ZNG1A: variants seen among roughly 807,000 people sequenced by gnomAD.
ZNG1A encodes the protein Zn regulated GTPase metalloprotein activator 1A.
At chr9:129,602 T>A in the ZNG1A span, among the ~76,000 whole-genome samples, 1 of 149,512 alleles carries the variant, frequency 6.7e-6, no homozygotes, top group Non-Finnish European at 1.5e-5. Flanking sequence ...TAATATCAGG[T>A]GTCTAAAACA....
the ZNG1A span, among the ~76,000 whole-genome samples, chr9:170,534 C>T: frequency 5.3e-5 from 8 of 150,566 alleles, no homozygotes; most frequent in African/African-American, 1.7e-4. Flanking sequence ...TTATGGGGTG[C>T]GCCACATCGC....
chr9:124,374 A>G, the ZNG1A span, among the ~76,000 whole-genome samples: 1 of 151,526 alleles, frequency 6.6e-6, no homozygotes, highest in African/African-American at 2.4e-5. Context: ...AAAAAGGTAG[A>G]AAATAATATA....
At chr9:178,379 C>T in the ZNG1A span, among the ~76,000 whole-genome samples, 2 of 151,516 alleles carry the variant, frequency 1.3e-5, no homozygotes, top group African/African-American at 4.8e-5. Flanking sequence ...AATCTACTGA[C>T]GAAAGCCCCA....
At chr9:148,820 G>C in the ZNG1A span, 1 of 148,504 alleles carries the variant, frequency 6.7e-6, no homozygotes, top group African/African-American at 2.5e-5. Context: ...AAATGAAGAG[G>C]GTTTTGGCTC....
the ZNG1A span, among the ~76,000 whole-genome samples, chr9:140,390 C>A: frequency 2.0e-5 from 3 of 151,082 alleles, no homozygotes; most frequent in African/African-American, 7.4e-5. Flanking sequence ...GAGGCACCCC[C>A]TAGCAGAGGC....
At chr9:126,893 C>T in the ZNG1A span, among the ~76,000 whole-genome samples, 1 of 152,026 alleles carries the variant, frequency 6.6e-6, no homozygotes, top group African/African-American at 2.4e-5. Flanking sequence ...TCACTCTTGT[C>T]GTTCAGTTTG....
At chr9:128,739 G>T in the ZNG1A span, among the ~76,000 whole-genome samples, 1 of 150,232 alleles carries the variant, frequency 6.7e-6, no homozygotes, top group Non-Finnish European at 1.5e-5. Context: ...TTTTTGGGGG[G>T]TGTTAAAGAA....
the ZNG1A span, among the ~76,000 whole-genome samples, chr9:139,876 T>C: frequency 2.6e-5 from 4 of 151,226 alleles, no homozygotes; most frequent in Non-Finnish European, 5.9e-5. Flanking sequence ...GGGAGTTCCC[T>C]TTCCTAGTCA....
the ZNG1A span, among the ~76,000 whole-genome samples, chr9:173,830 G>A: frequency 3.3e-5 from 5 of 152,044 alleles, no homozygotes; most frequent in Admixed American, 6.6e-5. Flanking sequence ...TATTCCCAAT[G>A]AGTAAAAACC....
At chr9:160,614 A>C in the ZNG1A span, among the ~76,000 whole-genome samples, 1 of 151,784 alleles carries the variant, frequency 6.6e-6, no homozygotes, top group African/African-American at 2.4e-5. Context: ...TTTGGCCTCC[A>C]TCATGCTGAT....
chr9:178,244 G>A, the ZNG1A span, among the ~76,000 whole-genome samples: 1 of 150,910 alleles, frequency 6.6e-6, no homozygotes, highest in Admixed American at 6.6e-5. Flanking sequence ...AAATAGTCTT[G>A]GAGGACAGAG....
chr9:171,212 T>C, the ZNG1A span, among the ~76,000 whole-genome samples: 1 of 152,170 alleles, frequency 6.6e-6, no homozygotes, highest in East Asian at 1.9e-4. Context: ...CAATAACCAC[T>C]GATCACATTT....
chr9:135,169 G>C, the ZNG1A span: 2 of 1,500,788 alleles, frequency 1.3e-6, no homozygotes, highest in Non-Finnish European at 1.8e-6. Flanking sequence ...TTTACAAGTT[G>C]TTCGCAAATT....
the ZNG1A span, among the ~76,000 whole-genome samples, chr9:164,808 A>T: frequency 2.0e-5 from 3 of 152,030 alleles, no homozygotes; most frequent in Non-Finnish European, 4.4e-5. Flanking sequence ...GGAGAAAAAC[A>T]AGGATAATCA....
the ZNG1A span, chr9:162,430 A>T: frequency 6.7e-7 from 1 of 1,497,372 alleles, no homozygotes; most frequent in Non-Finnish European, 9.1e-7. Flanking sequence ...CTTTCAACTT[A>T]CTTTTAATCC....
chr9:154,847 T>A, the ZNG1A span: 15 of 1,386,512 alleles, frequency 1.1e-5, no homozygotes, highest in Non-Finnish European at 1.5e-5. Context: ...TATACACGCA[T>A]GCAGATTAAT....
At chr9:156,135 A>ATT in the ZNG1A span, among the ~76,000 whole-genome samples, 248 of 138,028 alleles carry the variant, frequency 1.8e-3, 1 homozygote, top group Non-Finnish European at 2.7e-3. Context: ...AAAAAATAAT[A>ATT]ATTATTATTA....
chr9:149,136 C>T, the ZNG1A span: 4 of 150,954 alleles, frequency 2.6e-5, no homozygotes, highest in East Asian at 1.9e-4. Context: ...CACCACTACC[C>T]GACCTGTTGC....
chr9:159,102 A>C, the ZNG1A span, among the ~76,000 whole-genome samples: 3 of 150,456 alleles, frequency 2.0e-5, no homozygotes, highest in Admixed American at 6.6e-5. Context: ...ATTTTTGCAA[A>C]ATATTTTTTA....
Sources: gnomAD v4.1 joint callset for allele counts (sites outside exome capture counted in the v4.1 genomes callset) on GRCh38, gnomAD v4.1.1 for gene constraint, MANE v1.5 for transcripts, NCBI Gene and HGNC (gene_info 2026-07-23, HGNC 2026-07-21) for gene names.